Variants in PRKCA observed in about 807,000 individuals in gnomAD.
PRKCA encodes protein kinase C alpha.
A neutral mutation model predicts 87.0 loss-of-function variants in PRKCA; 27 were observed. The observed-to-expected ratio is 0.31, with a 90% CI of 0.23 to 0.43. The LOEUF is 0.43. PRKCA is among the 20% of genes least tolerant of loss of function. The probability of loss-of-function intolerance (pLI) is 1.00; values close to 1 mark genes in which losing one functional copy is unlikely to be tolerated. For missense variants in PRKCA, 518 were observed against 852.3 expected (o/e 0.61, Z 4.88); for synonymous variants, 329 against 311.1 (o/e 1.06, Z -0.61).
chr17:66,548,749 C>T (rs529852355), intron 3 of PRKCA, among the ~76,000 whole-genome samples: 26 of 151,610 alleles, frequency 1.7e-4, no homozygotes, highest in African/African-American at 4.4e-4. Flanking sequence ...CAAGGCAGGG[C>T]GGCTGGAGGA....
At chr17:66,543,888 A>C (rs988036596) in intron 3 of PRKCA, among the ~76,000 whole-genome samples, 1 of 152,166 alleles carries the variant, frequency 6.6e-6, no homozygotes, top group Non-Finnish European at 1.5e-5. Flanking sequence ...AGCAGGACTG[A>C]ACTTCAGCAG....
intron 2 of PRKCA, among the ~76,000 whole-genome samples, chr17:66,336,743 T>G (rs186626069): frequency 2.6e-4 from 31 of 121,108 alleles, no homozygotes; most frequent in African/African-American, 7.8e-4. Context: ...CCTGAACCCC[T>G]GCAAATAAGT....
At chr17:66,399,684 A>G (rs1224593483) in intron 2 of PRKCA, among the ~76,000 whole-genome samples, 2 of 152,148 alleles carry the variant, frequency 1.3e-5, no homozygotes, top group African/African-American at 4.8e-5. Flanking sequence ...GCTTTAACTA[A>G]CTCATAAATG....
chr17:66,608,477 T>C (rs979253553), intron 3 of PRKCA, among the ~76,000 whole-genome samples: 2 of 152,198 alleles, frequency 1.3e-5, no homozygotes, highest in African/African-American at 2.4e-5. Flanking sequence ...CACTATAAAT[T>C]ATGTATGCTG....
intron 14 of PRKCA, chr17:66,775,870 G>A (rs530488674): frequency 3.4e-6 from 2 of 593,272 alleles, no homozygotes; most frequent in African/African-American, 4.0e-5. Flanking sequence ...CAGCAGACAG[G>A]TTAGATAAGG....
At chr17:66,537,789 A>T (rs748113253) in intron 3 of PRKCA, among the ~76,000 whole-genome samples, 26 of 152,052 alleles carry the variant, frequency 1.7e-4, no homozygotes, top group Non-Finnish European at 2.9e-4. Context: ...GAGCCTTTGC[A>T]TGGTGCCTTT....
At chr17:66,445,096 A>G (rs566297196) in intron 2 of PRKCA, among the ~76,000 whole-genome samples, 5 of 152,314 alleles carry the variant, frequency 3.3e-5, no homozygotes, top group African/African-American at 1.2e-4. Context: ...TGTCCTTGAC[A>G]TTGACCCAGG....
chr17:66,684,600 A>G (rs1972577021), intron 5 of PRKCA, among the ~76,000 whole-genome samples: 1 of 152,274 alleles, frequency 6.6e-6, no homozygotes, highest in South Asian at 2.1e-4. Context: ...GTATCTCAGT[A>G]GGACACTCAC....
intron 8 of PRKCA, among the ~76,000 whole-genome samples, chr17:66,715,684 A>G (rs1973455617): frequency 6.6e-6 from 1 of 152,298 alleles, no homozygotes; most frequent in Middle Eastern, 3.4e-3. Context: ...CATTTTGCAA[A>G]GTCCTGGCAC....
intron 3 of PRKCA, among the ~76,000 whole-genome samples, chr17:66,590,222 C>G (rs1969758676): frequency 6.6e-6 from 1 of 152,160 alleles, no homozygotes; most frequent in East Asian, 1.9e-4. Flanking sequence ...GCCTGAAATT[C>G]TCTGGAGACA....
At chr17:66,355,634 C>T (rs773030584) in intron 2 of PRKCA, among the ~76,000 whole-genome samples, 2 of 152,148 alleles carry the variant, frequency 1.3e-5, no homozygotes, top group Non-Finnish European at 2.9e-5. Flanking sequence ...AGAATTGGCC[C>T]TAAGCAAGTA....
chr17:66,647,737 T>G (rs542497799), intron 5 of PRKCA, among the ~76,000 whole-genome samples: 1 of 152,212 alleles, frequency 6.6e-6, no homozygotes, highest in Non-Finnish European at 1.5e-5. Context: ...AAGTTGAACT[T>G]GACTCACAAT....
chr17:66,729,774 GT>G (rs1165737503), intron 8 of PRKCA, among the ~76,000 whole-genome samples: 1 of 117,426 alleles, frequency 8.5e-6, no homozygotes, highest in African/African-American at 3.3e-5. Context: ...GTATGAGCGA[GT>G]TATTCTTTTT....
intron 14 of PRKCA, among the ~76,000 whole-genome samples, chr17:66,786,246 G>C (rs1245483952): frequency 6.6e-6 from 1 of 152,212 alleles, no homozygotes; most frequent in Non-Finnish European, 1.5e-5. Flanking sequence ...GTCCCACGGG[G>C]CCACCGTGCC....
chr17:66,489,885 G>A (rs982410239), intron 2 of PRKCA, among the ~76,000 whole-genome samples: 7 of 150,740 alleles, frequency 4.6e-5, no homozygotes, highest in African/African-American at 9.8e-5. Flanking sequence ...AGTTCAAGCC[G>A]TCCTCCTGCC....
chr17:66,797,027 A>G (rs371761014), intron 16 of PRKCA: 21 of 948,944 alleles, frequency 2.2e-5, no homozygotes, highest in East Asian at 2.3e-4. Context: ...TGAGCTACTC[A>G]TATTTCCCAT....
At chr17:66,332,763 C>T (rs541333826) in intron 2 of PRKCA, among the ~76,000 whole-genome samples, 1 of 151,162 alleles carries the variant, frequency 6.6e-6, no homozygotes, top group South Asian at 2.1e-4. Flanking sequence ...ATGATCTCGG[C>T]TCACTGCAAG....
rs543911285 is a variant in PRKCA, at chr17:66,750,578, G to T, written c.1524+7818G>T. Among the ~76,000 whole-genome samples, 4 of 152,242 alleles carry T rather than the reference G, an allele frequency of 2.6e-5. 1 individual carries two copies. The highest frequency in any genetic ancestry group is 3.9e-4 in the East Asian group (2 of 5,174). On this transcript the variant is annotated intron_variant, in intron 13 of 16. Transcript: ENST00000413366. The stretch of plus-strand genomic sequence containing the variant: ...TAATCAGTTTAGCCTCTTCTCTAGA[G>T]CACTGGGCACCTTCTGCGATATTGT...
intron 2 of PRKCA, among the ~76,000 whole-genome samples, chr17:66,479,059 A>G (rs180673082): frequency 6.6e-6 from 1 of 152,378 alleles, no homozygotes; most frequent in Non-Finnish European, 1.5e-5. Context: ...TCTTCACAGC[A>G]AAAGAAACTA....
Sources: allele counts gnomAD v4.1 joint callset (sites outside exome capture counted in the v4.1 genomes callset), GRCh38; gene constraint gnomAD v4.1.1; transcripts MANE v1.5; gene names NCBI Gene and HGNC (gene_info 2026-07-23, HGNC 2026-07-21).